Variants in DOCK3 observed in about 807,000 individuals in gnomAD.
The protein encoded by DOCK3 is dedicator of cytokinesis 3.
DOCK3 carries 60 observed loss-of-function variants against 265.6 expected under a neutral mutation model. That is an observed-to-expected ratio of 0.23 (90% CI 0.18 to 0.28). The LOEUF is 0.28. DOCK3 is among the 10% of genes least tolerant of loss of function. The pLI, the probability that DOCK3 is intolerant of heterozygous loss-of-function variation, is 1.00. For synonymous variants in DOCK3, 881 were observed against 938.0 expected (o/e 0.94, Z 1.11); for missense variants, 1,981 against 2,594.3 (o/e 0.76, Z 5.14).
intron 5 of DOCK3, among the ~76,000 whole-genome samples, chr3:50,954,557 A>G (rs1559858241): frequency 6.6e-6 from 1 of 152,144 alleles, no homozygotes; most frequent in Non-Finnish European, 1.5e-5. Flanking sequence ...AAAGTACCCA[A>G]TATAGTGACT....
At chr3:51,171,375 G>A (rs1006392190) in intron 12 of DOCK3, among the ~76,000 whole-genome samples, 4 of 151,996 alleles carry the variant, frequency 2.6e-5, no homozygotes, top group African/African-American at 9.7e-5. Flanking sequence ...TCATACCATT[G>A]TGGTCAGAAA....
Position 51,275,128 on chromosome 3 carries a change from C to T in DOCK3, c.2598C>T (p.His866=), listed in dbSNP as rs760664330. The T allele has an allele frequency of 1.5e-5, 24 of 1,613,888 alleles. No individual in the cohort carries two copies. Among genetic ancestry groups the T allele is most frequent in the East Asian group, 4.5e-5 (2 of 44,890 alleles). The change falls in exon 25 of 53, where the codon CAC becomes CAT. Residue 866 remains histidine, a synonymous_variant. Transcript: ENST00000266037. The part of the protein sequence containing the change: ...LPVVLHHIHL[H]LRQQKELLIC... ...TGGTTCTCCATCACATTCACCTTCA[C>T]CTGAGGCAGCAGAAAGAGCTGCTAA...
chr3:51,282,157 G>A (rs1353544151), intron 27 of DOCK3, among the ~76,000 whole-genome samples: 1 of 152,150 alleles, frequency 6.6e-6, no homozygotes, highest in Non-Finnish European at 1.5e-5. Flanking sequence ...GGAGAACAAA[G>A]GAAGAGAGGA....
intron 6 of DOCK3, among the ~76,000 whole-genome samples, chr3:51,074,214 C>A (rs9850021): frequency 0.9 from 137,116 of 152,124 alleles, 61,984 homozygotes; most frequent in African/African-American, 0.95. Flanking sequence ...AGTTACAGAC[C>A]CTCTCCTCAG....
chr3:51,209,784 G>A (rs2089408580), intron 13 of DOCK3, among the ~76,000 whole-genome samples: 2 of 152,182 alleles, frequency 1.3e-5, no homozygotes, highest in Non-Finnish European at 2.9e-5. Flanking sequence ...AGGATCCTTA[G>A]AGGAGATTCA....
chr3:51,208,110 A>G (rs768595687), intron 12 of DOCK3, among the ~76,000 whole-genome samples: 4 of 152,150 alleles, frequency 2.6e-5, no homozygotes, highest in Admixed American at 1.3e-4. Context: ...TTTTGTCTCA[A>G]TCCCATAGTT....
intron 2 of DOCK3, chr3:50,787,839 G>C (rs1339627199): frequency 1.8e-6 from 2 of 1,112,106 alleles, no homozygotes; most frequent in African/African-American, 3.1e-5. Context: ...CATTGTTTAA[G>C]AACAGGAGTC....
At chr3:51,020,944 C>T (rs1157283337) in intron 5 of DOCK3, among the ~76,000 whole-genome samples, 1 of 151,740 alleles carries the variant, frequency 6.6e-6, no homozygotes, top group East Asian at 1.9e-4. Context: ...ATTGTCTTGG[C>T]TATTTGAGCT....
chr3:51,313,026 T>C, intron 31 of DOCK3, 124 bp downstream of exon 31: 1 of 878,964 alleles, frequency 1.1e-6, no homozygotes. Flanking sequence ...CTTACATATC[T>C]TTCACATAAC....
chr3:50,826,841 A>T (rs2044785592), intron 2 of DOCK3, among the ~76,000 whole-genome samples: 1 of 152,184 alleles, frequency 6.6e-6, no homozygotes. Flanking sequence ...GTAAAAAGAC[A>T]AAGTCGTTGA....
intron 12 of DOCK3, among the ~76,000 whole-genome samples, chr3:51,162,284 G>A (rs964426961): frequency 3.9e-5 from 6 of 152,066 alleles, no homozygotes; most frequent in African/African-American, 1.4e-4. Context: ...CACAATTTCT[G>A]TTAAGCCACA....
At chr3:50,765,580 C>A (rs562805890) in intron 1 of DOCK3, among the ~76,000 whole-genome samples, 126 of 152,050 alleles carry the variant, frequency 8.3e-4, no homozygotes, top group African/African-American at 2.9e-3. Flanking sequence ...ATTTATTTTT[C>A]TTTCCTCCTG....
At chr3:51,004,576 A>C (rs557833131) in intron 5 of DOCK3, among the ~76,000 whole-genome samples, 3 of 152,172 alleles carry the variant, frequency 2.0e-5, no homozygotes, top group African/African-American at 7.2e-5. Flanking sequence ...AAACTTTGGA[A>C]CCATGATTAT....
chr3:51,328,257 C>A (rs1481940362), intron 32 of DOCK3, among the ~76,000 whole-genome samples: 1 of 152,156 alleles, frequency 6.6e-6, no homozygotes, highest in Non-Finnish European at 1.5e-5. Context: ...GTCCCCTCCC[C>A]ACATTTTTGC....
Position 51,222,701 on chromosome 3 carries a change from CTG to C in DOCK3, c.1253-2946_1253-2945del, listed in dbSNP as rs2090155959. On this transcript the variant is annotated intron_variant, in intron 14 of 52. Coordinates refer to ENST00000266037, the MANE Select transcript of DOCK3 (RefSeq NM_004947.5). ...CCTGATGAAAATAAACTGCTTCAGT[CTG>C]TAACTCAGAGGGTACAATTACTTGT... Among the ~76,000 whole-genome samples the C allele has an allele frequency of 3.3e-5, 5 of 152,302 alleles. No homozygotes were observed. In the South Asian group the frequency reaches 1.0e-3, roughly 32 times the overall value.
intron 13 of DOCK3, among the ~76,000 whole-genome samples, chr3:51,211,229 T>C (rs151038582): frequency 2.6e-4 from 40 of 152,172 alleles, no homozygotes. Flanking sequence ...TGTTGATTTG[T>C]CCAGTTACTT....
chr3:51,262,213 G>T (rs1021110724), intron 23 of DOCK3, among the ~76,000 whole-genome samples: 2 of 152,212 alleles, frequency 1.3e-5, no homozygotes, highest in Non-Finnish European at 2.9e-5. Context: ...GCTTCCAGAG[G>T]AAGGAATAGG....
chr3:51,075,909 A>G (rs2082040595), intron 7 of DOCK3, among the ~76,000 whole-genome samples: 1 of 152,228 alleles, frequency 6.6e-6, no homozygotes. Flanking sequence ...TCAAGATTAC[A>G]TTTATAGTCT....
intron 27 of DOCK3, among the ~76,000 whole-genome samples, chr3:51,298,753 T>C (rs2082231710): frequency 6.6e-6 from 1 of 152,238 alleles, no homozygotes; most frequent in African/African-American, 2.4e-5. Context: ...CATTCCTTTT[T>C]ATGGCTGCAT....
Sources: gnomAD v4.1 joint callset for allele counts (sites outside exome capture counted in the v4.1 genomes callset) on GRCh38, gnomAD v4.1.1 for gene constraint, MANE v1.5 for transcripts, NCBI Gene and HGNC (gene_info 2026-07-23, HGNC 2026-07-21) for gene names.